Variants in SEMA5A observed in about 807,000 individuals in gnomAD.
SEMA5A encodes the protein semaphorin 5A, also known as semaphorin-5A.
In SEMA5A, 55 loss-of-function variants were observed where a neutral mutation model predicts 135.5. The ratio of observed to expected loss-of-function variants is 0.41; its 90% CI spans 0.33 to 0.51. SEMA5A has a LOEUF of 0.51. SEMA5A is among the 20% of genes least tolerant of loss of function. SEMA5A has a pLI of 0.37. For synonymous variants in SEMA5A, 580 were observed against 546.5 expected (o/e 1.06, Z -0.85); for missense variants, 1,290 against 1,419.9 (o/e 0.91, Z 1.47).
chr5:9,189,742 A>G (rs1744996987), intron 11 of SEMA5A, among the ~76,000 whole-genome samples: 1 of 152,234 alleles, frequency 6.6e-6, no homozygotes, highest in African/African-American at 2.4e-5. Context: ...AAGAGACCTA[A>G]TTGTCATTTG....
At chr5:9,352,149 C>G (rs1754151771) in intron 3 of SEMA5A, among the ~76,000 whole-genome samples, 1 of 149,592 alleles carries the variant, frequency 6.7e-6, no homozygotes, top group South Asian at 2.1e-4. Context: ...GTTCTCTTAT[C>G]TAGTGAAATA....
At chr5:9,458,150 G>A (rs567034165) in intron 1 of SEMA5A, among the ~76,000 whole-genome samples, 58 of 151,582 alleles carry the variant, frequency 3.8e-4, no homozygotes, top group African/African-American at 8.0e-4. Context: ...CTCGTGATCC[G>A]CCCGCCTCGG....
intron 8 of SEMA5A, among the ~76,000 whole-genome samples, chr5:9,211,547 G>A (rs1387407870): frequency 6.6e-6 from 1 of 152,098 alleles, no homozygotes; most frequent in Non-Finnish European, 1.5e-5. Flanking sequence ...ACTGTCCCCA[G>A]GTTGGAGCCC....
chr5:9,205,386 G>A (rs1429808506), intron 8 of SEMA5A, among the ~76,000 whole-genome samples: 1 of 152,118 alleles, frequency 6.6e-6, no homozygotes, highest in Non-Finnish European at 1.5e-5. Flanking sequence ...AACATTGTTG[G>A]AAAGTGTTTG....
chr5:9,320,824 T>G (rs6864327), intron 4 of SEMA5A, among the ~76,000 whole-genome samples: 6,400 of 152,262 alleles, frequency 0.042, 157 homozygotes, highest in Admixed American at 0.053. Context: ...GTGACTCGCA[T>G]TTCAACATTA....
At chr5:9,488,649 G>A (rs1023836303) in intron 1 of SEMA5A, among the ~76,000 whole-genome samples, 11 of 152,104 alleles carry the variant, frequency 7.2e-5, no homozygotes, top group East Asian at 1.9e-4. Context: ...ACACTGATGC[G>A]GCCTATGCTC....
chr5:9,279,727 CT>C (rs1466217612), intron 5 of SEMA5A, among the ~76,000 whole-genome samples: 1 of 152,062 alleles, frequency 6.6e-6, no homozygotes, highest in Non-Finnish European at 1.5e-5. Context: ...ACATGTGGCA[CT>C]TCCCCCTTGA....
At chr5:9,535,500 T>C (rs896574066) in intron 1 of SEMA5A, among the ~76,000 whole-genome samples, 1 of 152,016 alleles carries the variant, frequency 6.6e-6, no homozygotes, top group East Asian at 1.9e-4. Flanking sequence ...CGCTACACAA[T>C]TGACATTCAG....
At chr5:9,113,469 C>A (rs928258818) in intron 15 of SEMA5A, among the ~76,000 whole-genome samples, 1 of 152,002 alleles carries the variant, frequency 6.6e-6, no homozygotes, top group African/African-American at 2.4e-5. Context: ...ACCACACACA[C>A]AAAAAAGAAA....
At chr5:9,397,354 C>G (rs1756451919) in intron 2 of SEMA5A, among the ~76,000 whole-genome samples, 1 of 152,228 alleles carries the variant, frequency 6.6e-6, no homozygotes, top group Admixed American at 6.5e-5. Context: ...CAAATTCCAG[C>G]TCAGCCACTT....
chr5:9,273,039 G>A (rs925703897), intron 5 of SEMA5A, among the ~76,000 whole-genome samples: 2 of 152,158 alleles, frequency 1.3e-5, no homozygotes, highest in African/African-American at 2.4e-5. Context: ...GGCTTCAGAA[G>A]GTGGGTAATA....
chr5:9,119,175 C>T (rs1361543639), intron 14 of SEMA5A, 34 bp from the exon 15 acceptor site: 1 of 1,605,384 alleles, frequency 6.2e-7, no homozygotes, highest in Admixed American at 1.7e-5. Flanking sequence ...TCATTAGGTC[C>T]CGCAGGCTCA....
intron 4 of SEMA5A, among the ~76,000 whole-genome samples, chr5:9,328,140 G>A (rs2150694470): frequency 6.6e-6 from 1 of 152,182 alleles, no homozygotes; most frequent in South Asian, 2.1e-4. Context: ...TGAATGGTTT[G>A]ATGCTTCCCA....
In SEMA5A at chr5:9,400,500, C is replaced by CT. The variant is rs1176889691; in HGVS notation, c.-77-20478_-77-20477insA. Among the ~76,000 whole-genome samples, 19 of 85,404 alleles carry CT rather than the reference C, an allele frequency of 2.2e-4. 1 individual carries two copies. Among genetic ancestry groups the CT allele is most frequent in the African/African-American group, 3.9e-4 (8 of 20,652 alleles). 56.0% of individuals were successfully genotyped at this position (85,404 alleles called of 152,430 possible). Reference sequence around the variant, plus strand: ...TCTTCAATAGTTTGAACACAATGTACATTTTTTTTTTTTTTTTTTTTTTTG... The same window carrying CT: ...TCTTCAATAGTTTGAACACAATGTACTATTTTTTTTTTTTTTTTTTTTTTTG... On this transcript the variant is annotated intron_variant, in intron 2 of 22. Transcript: ENST00000382496.
At chr5:9,107,918 C>G (rs573292317) in intron 16 of SEMA5A, among the ~76,000 whole-genome samples, 3 of 152,250 alleles carry the variant, frequency 2.0e-5, no homozygotes, top group Admixed American at 2.0e-4. Flanking sequence ...CATTTAGTAT[C>G]TGGAGAGCAT....
intron 6 of SEMA5A, among the ~76,000 whole-genome samples, chr5:9,230,100 T>G (rs1400630458): frequency 6.6e-6 from 1 of 151,040 alleles, no homozygotes; most frequent in Non-Finnish European, 1.5e-5. Context: ...TCCTCTCACC[T>G]CAGTCTCCCA....
chr5:9,327,690 A>G (rs1752941365), intron 4 of SEMA5A, among the ~76,000 whole-genome samples: 2 of 152,218 alleles, frequency 1.3e-5, no homozygotes, highest in South Asian at 4.1e-4. Context: ...TCCCACAAAT[A>G]TATTTAGGGT....
At chr5:9,090,646 A>C (rs1738980437) in intron 16 of SEMA5A, among the ~76,000 whole-genome samples, 1 of 152,172 alleles carries the variant, frequency 6.6e-6, no homozygotes, top group Non-Finnish European at 1.5e-5. Flanking sequence ...TGCCTAAGAA[A>C]CTACTCATGG....
chr5:9,296,902 CAAA>C (rs34923583), intron 5 of SEMA5A, among the ~76,000 whole-genome samples: 3,783 of 134,636 alleles, frequency 0.028, 82 homozygotes, highest in East Asian at 0.079. Flanking sequence ...ACTGTGATCT[CAAA>C]AAAAAAAAAA....
Sources: gnomAD v4.1 joint callset for allele counts (sites outside exome capture counted in the v4.1 genomes callset) on GRCh38, gnomAD v4.1.1 for gene constraint, MANE v1.5 for transcripts, NCBI Gene and HGNC (gene_info 2026-07-23, HGNC 2026-07-21) for gene names.